The following C12orf54 variants were observed in gnomAD, a reference collection of about 807,000 sequenced individuals.
The protein encoded by C12orf54 is uncharacterized protein C12orf54.
A neutral mutation model predicts 26.4 loss-of-function variants in C12orf54; 24 were observed. The observed-to-expected ratio is 0.91, with a 90% CI of 0.66 to 1.28. The LOEUF (loss-of-function observed/expected upper bound fraction) is 1.28. Ranked by LOEUF, C12orf54 falls within the 50% of genes most tolerant of loss-of-function variation. The probability of loss-of-function intolerance (pLI) is 0.00; values close to 1 mark genes in which losing one functional copy is unlikely to be tolerated. For missense variants in C12orf54, 154 were observed against 150.9 expected, an observed-to-expected ratio of 1.02 and a Z score of -0.11; for synonymous variants, 54 against 47.0, an observed-to-expected ratio of 1.15 and a Z score of -0.61.
At chr12:48,452,981 A>C in the C12orf54 span, among the ~76,000 whole-genome samples, 3 of 152,194 alleles carry the variant, frequency 2.0e-5, no homozygotes, top group East Asian at 5.8e-4. Context: ...CAGCAATCCC[A>C]TTACTGAGTA....
chr12:48,440,533 C>T, the C12orf54 span, among the ~76,000 whole-genome samples: 1 of 152,208 alleles, frequency 6.6e-6, no homozygotes, highest in African/African-American at 2.4e-5. Flanking sequence ...CCAGTCCTTC[C>T]TCTGCCATTA....
At chr12:48,489,475 G>T (rs1031864463) in intron 5 of C12orf54, among the ~76,000 whole-genome samples, 6 of 152,066 alleles carry the variant, frequency 3.9e-5, no homozygotes, top group African/African-American at 7.3e-5. Context: ...GCCCAGGCTG[G>T]AGTGCAGTGA....
chr12:48,454,264 A>AT, the C12orf54 span, among the ~76,000 whole-genome samples: 1 of 151,118 alleles, frequency 6.6e-6, no homozygotes, highest in Admixed American at 6.6e-5. Flanking sequence ...CATCCAGTTA[A>AT]TTTTTTTTGT....
chr12:48,440,836 C>T, the C12orf54 span, among the ~76,000 whole-genome samples: 1 of 152,130 alleles, frequency 6.6e-6, no homozygotes, highest in Non-Finnish European at 1.5e-5. Flanking sequence ...TAGGGCCTTT[C>T]CTTGCAAATG....
chr12:48,448,604 A>C, the C12orf54 span, among the ~76,000 whole-genome samples: 6 of 152,248 alleles, frequency 3.9e-5, no homozygotes, highest in Non-Finnish European at 7.3e-5. Context: ...ATCTTCAAAT[A>C]ATAACAAGCC....
At chr12:48,426,208 A>G in the C12orf54 span, among the ~76,000 whole-genome samples, 2 of 151,980 alleles carry the variant, frequency 1.3e-5, no homozygotes, top group Non-Finnish European at 2.9e-5. Context: ...CAAGGTTTTT[A>G]TAGTTTTGTG....
intron 2 of C12orf54, among the ~76,000 whole-genome samples, chr12:48,483,896 G>C (rs755490582): frequency 2.6e-5 from 4 of 152,178 alleles, no homozygotes; most frequent in Non-Finnish European, 5.9e-5. Context: ...TGAGATAAGA[G>C]TTTGTAGAAA....
the C12orf54 span, among the ~76,000 whole-genome samples, chr12:48,453,822 C>G: frequency 1.1e-4 from 16 of 151,668 alleles, no homozygotes; most frequent in African/African-American, 3.6e-4. Context: ...TATCTACCTA[C>G]CTATCCATAT....
At chr12:48,432,162 A>G in the C12orf54 span, among the ~76,000 whole-genome samples, 9 of 152,246 alleles carry the variant, frequency 5.9e-5, no homozygotes, top group Non-Finnish European at 4.4e-5. Flanking sequence ...CAGAACATGC[A>G]CTGATACAAT....
chr12:48,460,607 GTAA>G, the C12orf54 span, among the ~76,000 whole-genome samples: 1 of 152,060 alleles, frequency 6.6e-6, no homozygotes, highest in Admixed American at 6.6e-5. Flanking sequence ...AGAGAAAATA[GTAA>G]TATATTTTGG....
the C12orf54 span, among the ~76,000 whole-genome samples, chr12:48,435,639 G>A: frequency 6.6e-6 from 1 of 152,278 alleles, no homozygotes; most frequent in East Asian, 1.9e-4. Flanking sequence ...TTTCAACCCA[G>A]AATTTCATAT....
chr12:48,439,916 T>TA, the C12orf54 span, among the ~76,000 whole-genome samples: 6 of 151,728 alleles, frequency 4.0e-5, no homozygotes, highest in Middle Eastern at 3.4e-3. Context: ...AATAAAAAAA[T>TA]AAAAAATAAG....
At position 48,486,731 on chromosome 12, in the gene C12orf54, G is replaced by A. The variant is rs757052161; in HGVS notation, c.135+5G>A. 5.6e-6 allele frequency: 9 copies of A among 1,612,004 alleles called. No homozygotes were observed. In the East Asian group the frequency reaches 2.0e-4, roughly 36 times the overall value. Reference sequence around the variant, plus strand: ...ACTGAAACCCTGTGGGACCAGGTGAGTACAGAGGAATCATTTTTGACAGCA... The same window carrying A: ...ACTGAAACCCTGTGGGACCAGGTGAATACAGAGGAATCATTTTTGACAGCA... On this transcript the variant is annotated splice_donor_5th_base_variant and intron_variant, in intron 4 of 8. Coordinates refer to ENST00000548364, the MANE Select transcript of C12orf54 (RefSeq NM_152319.4).
the C12orf54 span, among the ~76,000 whole-genome samples, chr12:48,466,802 C>A: frequency 6.6e-6 from 1 of 152,054 alleles, no homozygotes; most frequent in African/African-American, 2.4e-5. Flanking sequence ...TATACAACCC[C>A]TACCATATGT....
chr12:48,479,021 C>T (rs1331842064), upstream of C12orf54, among the ~76,000 whole-genome samples: 1 of 152,062 alleles, frequency 6.6e-6, no homozygotes, highest in Non-Finnish European at 1.5e-5. Context: ...ACTGTATACC[C>T]AAAGGATTAA....
the C12orf54 span, among the ~76,000 whole-genome samples, chr12:48,418,836 T>C: frequency 6.6e-6 from 1 of 151,950 alleles, no homozygotes; most frequent in African/African-American, 2.4e-5. Context: ...GTTACAGTTT[T>C]AAATTTTATA....
At chr12:48,479,901 T>A (rs7488935), upstream of C12orf54, among the ~76,000 whole-genome samples, 22,432 of 152,094 alleles carry the variant, frequency 0.15, 2,877 homozygotes, top group East Asian at 0.66. Flanking sequence ...ATGGCTTCTT[T>A]AAGTCCAACA....
chr12:48,454,938 G>A, the C12orf54 span, among the ~76,000 whole-genome samples: 29,942 of 152,108 alleles, frequency 0.2, 3,272 homozygotes, highest in South Asian at 0.3. Flanking sequence ...AATCATAGGG[G>A]CTTCCTTTTG....
the C12orf54 span, among the ~76,000 whole-genome samples, chr12:48,426,839 T>A: frequency 6.6e-6 from 1 of 151,972 alleles, no homozygotes; most frequent in Non-Finnish European, 1.5e-5. Flanking sequence ...GTTTTTGTGG[T>A]AATTGTGAAT....
Sources: gnomAD v4.1 joint callset for allele counts (sites outside exome capture counted in the v4.1 genomes callset) on GRCh38, gnomAD v4.1.1 for gene constraint, MANE v1.5 for transcripts, NCBI Gene and HGNC (gene_info 2026-07-23, HGNC 2026-07-21) for gene names.